The following AFG2A variants were observed in gnomAD, a reference collection of about 807,000 sequenced individuals.
AFG2A encodes AAA ATPase AFG2A.
the AFG2A span, among the ~76,000 whole-genome samples, chr4:123,146,309 G>A: frequency 1.2e-3 from 184 of 152,228 alleles, no homozygotes; most frequent in Middle Eastern, 0.01. Context: ...ACCCAAGAAA[G>A]GGTATAGTTT....
the AFG2A span, among the ~76,000 whole-genome samples, chr4:123,019,121 A>G: frequency 4.5e-4 from 69 of 152,314 alleles, no homozygotes; most frequent in African/African-American, 1.5e-3. Flanking sequence ...CAGGCAAAGT[A>G]CAATTAATTT....
At chr4:123,074,154 C>T in the AFG2A span, among the ~76,000 whole-genome samples, 17 of 127,260 alleles carry the variant, frequency 1.3e-4, no homozygotes, top group East Asian at 7.5e-4. Context: ...AGTGCAGTGG[C>T]GCGAACTTGG....
the AFG2A span, among the ~76,000 whole-genome samples, chr4:122,958,358 A>C: frequency 2.0e-5 from 3 of 152,156 alleles, no homozygotes; most frequent in Non-Finnish European, 4.4e-5. Context: ...GTTTAAATGG[A>C]GTGCTTGTAA....
At chr4:123,252,093 T>C in the AFG2A span, among the ~76,000 whole-genome samples, 51 of 152,302 alleles carry the variant, frequency 3.3e-4, no homozygotes, top group African/African-American at 1.1e-3. Flanking sequence ...GATATTTTTA[T>C]TACCCATTAA....
chr4:123,006,769 T>A, the AFG2A span, among the ~76,000 whole-genome samples: 2 of 152,174 alleles, frequency 1.3e-5, no homozygotes, highest in African/African-American at 2.4e-5. Context: ...ACAAAGGTAA[T>A]GCATTTATAA....
chr4:123,016,203 G>A, the AFG2A span, among the ~76,000 whole-genome samples: 2 of 134,068 alleles, frequency 1.5e-5, no homozygotes, highest in African/African-American at 2.8e-5. Flanking sequence ...CGGCTGGCCG[G>A]GCAGGGGGCT....
chr4:122,973,596 G>T, the AFG2A span, among the ~76,000 whole-genome samples: 1 of 151,558 alleles, frequency 6.6e-6, no homozygotes, highest in African/African-American at 2.4e-5. Flanking sequence ...GGCTTATTAG[G>T]GGCTAGTATG....
At chr4:123,218,640 T>TATACATAC in the AFG2A span, among the ~76,000 whole-genome samples, 395 of 147,814 alleles carry the variant, frequency 2.7e-3, no homozygotes, top group African/African-American at 6.4e-3. Context: ...CATAAACACA[T>TATACATAC]ATACATACAT....
At chr4:123,058,225 C>T in the AFG2A span, among the ~76,000 whole-genome samples, 2 of 152,254 alleles carry the variant, frequency 1.3e-5, no homozygotes, top group Admixed American at 6.5e-5. Context: ...CACAGTTCCA[C>T]GTGGCTAGGA....
chr4:123,008,088 A>G, the AFG2A span, among the ~76,000 whole-genome samples: 3 of 152,208 alleles, frequency 2.0e-5, no homozygotes, highest in Non-Finnish European at 2.9e-5. Flanking sequence ...TAATTTATAA[A>G]GAAAAGAGGT....
the AFG2A span, among the ~76,000 whole-genome samples, chr4:123,165,650 T>G: frequency 2.0e-5 from 3 of 152,146 alleles, no homozygotes; most frequent in Admixed American, 2.0e-4. Flanking sequence ...TGGAATGGTC[T>G]TCTTATTTTT....
chr4:123,212,795 C>G, the AFG2A span, among the ~76,000 whole-genome samples: 1 of 152,140 alleles, frequency 6.6e-6, no homozygotes, highest in Non-Finnish European at 1.5e-5. Flanking sequence ...TGCTTCAAAT[C>G]AAACTGCACT....
At chr4:123,073,784 T>A in the AFG2A span, among the ~76,000 whole-genome samples, 1 of 152,204 alleles carries the variant, frequency 6.6e-6, no homozygotes, top group Non-Finnish European at 1.5e-5. Flanking sequence ...ATTGTTGACA[T>A]TTTTAATGAG....
the AFG2A span, among the ~76,000 whole-genome samples, chr4:123,212,582 G>A: frequency 0.022 from 3,281 of 152,162 alleles, 65 homozygotes; most frequent in Non-Finnish European, 0.035. Context: ...TTCGATACTG[G>A]TTGATTTTTT....
At chr4:123,260,694 A>T in the AFG2A span, among the ~76,000 whole-genome samples, 3 of 152,326 alleles carry the variant, frequency 2.0e-5, no homozygotes, top group East Asian at 3.9e-4. Context: ...TGTTCATCTG[A>T]CCAGTCAAAC....
chr4:123,275,259 C>T, the AFG2A span, among the ~76,000 whole-genome samples: 1 of 152,100 alleles, frequency 6.6e-6, no homozygotes, highest in African/African-American at 2.4e-5. Context: ...AATGATGAGA[C>T]CCCTGTAGGT....
At chr4:123,165,772 C>T in the AFG2A span, among the ~76,000 whole-genome samples, 1 of 151,800 alleles carries the variant, frequency 6.6e-6, no homozygotes. Context: ...AGTATTCTAC[C>T]CTAGTTGACT....
the AFG2A span, among the ~76,000 whole-genome samples, chr4:122,955,993 T>C: frequency 6.6e-6 from 1 of 152,276 alleles, no homozygotes; most frequent in African/African-American, 2.4e-5. Flanking sequence ...AGAGTCTGGA[T>C]TGCTGTGTAG....
chr4:123,277,851 C>A, the AFG2A span, among the ~76,000 whole-genome samples: 6 of 152,006 alleles, frequency 3.9e-5, no homozygotes, highest in African/African-American at 1.4e-4. Context: ...TTTGCTTTTT[C>A]TTGTGCTACT....
Sources: allele counts gnomAD v4.1 joint callset (sites outside exome capture counted in the v4.1 genomes callset), GRCh38; gene constraint gnomAD v4.1.1; transcripts MANE v1.5; gene names NCBI Gene and HGNC (gene_info 2026-07-23, HGNC 2026-07-21).